SH3D19: variants seen among roughly 807,000 people sequenced by gnomAD.
The protein encoded by SH3D19 is SH3 domain containing 19, also known as SH3 domain-containing protein 19.
SH3D19 carries 58 observed loss-of-function variants against 112.1 expected under a neutral mutation model. The observed-to-expected ratio is 0.52, with a 90% CI of 0.42 to 0.64. SH3D19 has a LOEUF of 0.64. SH3D19 is among the 30% of genes least tolerant of loss of function. SH3D19 has a pLI of 0.00. For missense variants in SH3D19, 1,090 were observed against 1,263.4 expected (o/e 0.86, Z 2.08); for synonymous variants, 391 against 448.5 (o/e 0.87, Z 1.62).
chr4:151,213,687 A>AATTAATTT (rs1554055412), intron 2 of SH3D19, among the ~76,000 whole-genome samples: 16 of 148,444 alleles, frequency 1.1e-4, no homozygotes, highest in African/African-American at 4.1e-4. Flanking sequence ...TTAATTAATT[A>AATTAATTT]ATTTATTTAT....
intron 2 of SH3D19, among the ~76,000 whole-genome samples, chr4:151,209,846 A>T (rs1404113361): frequency 6.6e-6 from 1 of 152,198 alleles, no homozygotes; most frequent in Non-Finnish European, 1.5e-5. Context: ...GTGGATTAGT[A>T]CAAGACCCCT....
At chr4:151,166,370 A>G (rs1256093854) in intron 7 of SH3D19, 1 of 152,210 alleles carries the variant, frequency 6.6e-6, no homozygotes, top group Non-Finnish European at 1.5e-5. Context: ...CGCCAACCCA[A>G]TATTTTAAAT....
intron 1 of SH3D19, among the ~76,000 whole-genome samples, chr4:151,318,040 G>A (rs1461639175): frequency 6.6e-6 from 1 of 150,832 alleles, no homozygotes; most frequent in African/African-American, 2.4e-5. Context: ...GCTCATGCCT[G>A]TAATCCCAGC....
At chr4:151,125,467 G>C (rs1227547136) in intron 19 of SH3D19, among the ~76,000 whole-genome samples, 1 of 106,880 alleles carries the variant, frequency 9.4e-6, no homozygotes. Flanking sequence ...CCCTGTCTCA[G>C]AAACAAAACA....
At chr4:151,291,562 T>A in intron 1 of SH3D19, 1 of 698,008 alleles carries the variant, frequency 1.4e-6, no homozygotes, top group Non-Finnish European at 2.4e-6. Flanking sequence ...TGTGAAGAGT[T>A]AAGAAATAAA....
chr4:151,204,750 G>A (rs893169602), intron 2 of SH3D19, among the ~76,000 whole-genome samples: 3 of 152,148 alleles, frequency 2.0e-5, no homozygotes, highest in Non-Finnish European at 4.4e-5. Context: ...GAAACTCAAA[G>A]GTGATATTTT....
At chr4:151,248,268 T>C (rs1486990122) in intron 1 of SH3D19, among the ~76,000 whole-genome samples, 1 of 152,164 alleles carries the variant, frequency 6.6e-6, no homozygotes, top group Non-Finnish European at 1.5e-5. Context: ...CCAGCTTTAT[T>C]TTCTTAATTT....
At chr4:151,237,608 G>A (rs1273359167) in intron 1 of SH3D19, among the ~76,000 whole-genome samples, 4 of 152,256 alleles carry the variant, frequency 2.6e-5, no homozygotes, top group South Asian at 4.1e-4. Flanking sequence ...GTCCACATCT[G>A]TAAAATGGGG....
chr4:151,293,765 G>A (rs138804413), intron 1 of SH3D19, among the ~76,000 whole-genome samples: 1 of 152,116 alleles, frequency 6.6e-6, no homozygotes, highest in Non-Finnish European at 1.5e-5. Context: ...ATCCCTTATT[G>A]TGGCCTACAA....
chr4:151,281,352 A>T (rs1356647749), intron 1 of SH3D19, among the ~76,000 whole-genome samples: 2 of 152,220 alleles, frequency 1.3e-5, no homozygotes, highest in Admixed American at 1.3e-4. Flanking sequence ...ACCCAATAGG[A>T]CCCAGTAGTG....
At chr4:151,214,478 T>G (rs1434094453) in intron 2 of SH3D19, among the ~76,000 whole-genome samples, 3 of 100,472 alleles carry the variant, frequency 3.0e-5, no homozygotes, top group Non-Finnish European at 4.5e-5. Context: ...CCCACCTCCC[T>G]CCCGGACGGG....
At chr4:151,279,427 C>T (rs936388502) in intron 1 of SH3D19, among the ~76,000 whole-genome samples, 3 of 152,048 alleles carry the variant, frequency 2.0e-5, no homozygotes, top group Admixed American at 2.0e-4. Flanking sequence ...GTGAAGATTC[C>T]CACTAATAGG....
chr4:151,141,267 A>G (rs1187795089), intron 12 of SH3D19, among the ~76,000 whole-genome samples: 1 of 152,176 alleles, frequency 6.6e-6, no homozygotes, highest in Non-Finnish European at 1.5e-5. Context: ...CTGGGACTAC[A>G]GACAAGCACT....
chr4:151,125,873 A>T (rs12500020), intron 19 of SH3D19, among the ~76,000 whole-genome samples: 112,817 of 139,602 alleles, frequency 0.81, 47,932 homozygotes, highest in Non-Finnish European at 0.95. Context: ...AAAAGAAAGG[A>T]AGGAAGAATA....
At chr4:151,165,493 G>T in intron 8 of SH3D19, 96 bp downstream of exon 8, 1 of 969,108 alleles carries the variant, frequency 1.0e-6, no homozygotes, top group Non-Finnish European at 1.6e-6. Context: ...ATGAATGGCA[G>T]ATTATACATA....
At chr4:151,312,804 G>A (rs1729587147) in intron 1 of SH3D19, among the ~76,000 whole-genome samples, 1 of 151,716 alleles carries the variant, frequency 6.6e-6, no homozygotes, top group Non-Finnish European at 1.5e-5. Context: ...GGGAGGCTGA[G>A]GCAGGAGAAT....
At chr4:151,274,291 G>T (rs373410851) in intron 1 of SH3D19, among the ~76,000 whole-genome samples, 1 of 152,098 alleles carries the variant, frequency 6.6e-6, no homozygotes, top group Non-Finnish European at 1.5e-5. Context: ...ATTTAAAGAG[G>T]TAAACATCTT....
chr4:151,189,913 A>G (rs1474369212), intron 2 of SH3D19, among the ~76,000 whole-genome samples: 1 of 152,182 alleles, frequency 6.6e-6, no homozygotes, highest in Non-Finnish European at 1.5e-5. Context: ...AGGGTTCAGA[A>G]GAAGACAGGA....
At chr4:151,143,576 C>A (rs557055377) in intron 12 of SH3D19, among the ~76,000 whole-genome samples, 4 of 151,748 alleles carry the variant, frequency 2.6e-5, no homozygotes, top group African/African-American at 7.2e-5. Context: ...AACGGCAAAC[C>A]AAGTATTTTA....
Sources: allele counts gnomAD v4.1 joint callset (sites outside exome capture counted in the v4.1 genomes callset), GRCh38; gene constraint gnomAD v4.1.1; transcripts MANE v1.5; gene names NCBI Gene and HGNC (gene_info 2026-07-23, HGNC 2026-07-21).